Variants in SLC38A4 observed in about 807,000 individuals in gnomAD.
SLC38A4 encodes sodium-coupled neutral amino acid transporter 4.
A neutral mutation model predicts 63.1 loss-of-function variants in SLC38A4; 20 were observed. The observed-to-expected ratio is 0.32, with a 90% confidence interval of 0.22 to 0.46. The LOEUF is 0.46. Ranked by LOEUF, SLC38A4 falls within the 20% of genes least tolerant of loss-of-function variation. The pLI is 1.00. For missense variants in SLC38A4, 526 were observed against 663.6 expected, an observed-to-expected ratio of 0.79 and a Z score of 2.28; for synonymous variants, 230 against 225.5, an observed-to-expected ratio of 1.02 and a Z score of -0.18.
chr12:46,817,446 G>T (rs1013400910), intron 1 of SLC38A4, among the ~76,000 whole-genome samples: 1 of 151,732 alleles, frequency 6.6e-6, no homozygotes, highest in African/African-American at 2.4e-5. Context: ...GACCTACTAG[G>T]TCTAGATGAG....
chr12:46,810,003 A>T (rs1415584146), intron 1 of SLC38A4, among the ~76,000 whole-genome samples: 2 of 151,996 alleles, frequency 1.3e-5, no homozygotes, highest in Non-Finnish European at 2.9e-5. Flanking sequence ...TTTCTTTAAA[A>T]CTTATTTGTG....
At position 46,779,874 on chromosome 12, in the gene SLC38A4, A is replaced by T. The variant is rs1293270908; in HGVS notation, c.576-12T>A. The T allele has an allele frequency of 6.2e-7, 1 of 1,611,366 alleles. No homozygotes were observed. The highest frequency in any genetic ancestry group is 1.3e-5 in the African/African-American group (1 of 74,764). ...TGAGGTACCATTCTCTAGAAGTGAG[A>T]GACAAGGATATTAGAATCAGAAAAG... is the stretch of plus-strand genomic sequence containing the variant. On this transcript the variant is annotated splice_polypyrimidine_tract_variant and intron_variant, in intron 8 of 16. Coordinates refer to ENST00000266579, the MANE Select transcript of SLC38A4 (RefSeq NM_018018.5).
intron 2 of SLC38A4, among the ~76,000 whole-genome samples, chr12:46,801,874 G>T (rs1049118666): frequency 7.9e-5 from 12 of 152,178 alleles, no homozygotes; most frequent in African/African-American, 2.9e-4. Context: ...GTCTGAGGTA[G>T]CTCTTAAAGA....
At chr12:46,814,238 A>T (rs1939392923) in intron 1 of SLC38A4, among the ~76,000 whole-genome samples, 1 of 151,930 alleles carries the variant, frequency 6.6e-6, no homozygotes, top group South Asian at 2.1e-4. Context: ...CTATTATTTC[A>T]CTTGTTATAC....
At chr12:46,827,974 A>G (rs924652375), upstream of SLC38A4, among the ~76,000 whole-genome samples, 4 of 152,110 alleles carry the variant, frequency 2.6e-5, no homozygotes, top group African/African-American at 9.7e-5. Context: ...AATTCAGGGG[A>G]GGGGCAGAGC....
intron 2 of SLC38A4, among the ~76,000 whole-genome samples, chr12:46,799,554 A>C (rs1054675052): frequency 1.6e-4 from 24 of 152,214 alleles, no homozygotes; most frequent in African/African-American, 5.5e-4. Flanking sequence ...CTGAGATTGC[A>C]CCACTGCATT....
chr12:46,816,970 G>A (rs1939452624), intron 1 of SLC38A4, among the ~76,000 whole-genome samples: 1 of 151,772 alleles, frequency 6.6e-6, no homozygotes, highest in African/African-American at 2.4e-5. Context: ...CTCTTACCCA[G>A]TTGAGGGAAT....
intron 5 of SLC38A4, 108 bp from the exon 6 acceptor site, chr12:46,785,285 T>C: frequency 2.3e-6 from 2 of 878,266 alleles, no homozygotes; most frequent in South Asian, 3.3e-5. Flanking sequence ...TCATCAGCTT[T>C]CCAAAAGTAT....
At chr12:46,805,514 C>T (rs559049593) in intron 1 of SLC38A4, among the ~76,000 whole-genome samples, 26 of 152,082 alleles carry the variant, frequency 1.7e-4, no homozygotes, top group African/African-American at 3.1e-4. Flanking sequence ...ACAAAACTCA[C>T]GATAACTTTT....
chr12:46,804,935 A>G (rs1168920439), intron 1 of SLC38A4, among the ~76,000 whole-genome samples: 1 of 152,004 alleles, frequency 6.6e-6, no homozygotes, highest in Admixed American at 6.6e-5. Flanking sequence ...TTCCAATTTA[A>G]GATTTCTTTC....
Position 46,808,022 on chromosome 12 carries a change from C to A in SLC38A4, c.-304-4228G>T, listed in dbSNP as rs578179291. On this transcript the variant is annotated intron_variant, in intron 1 of 16. Coordinates refer to ENST00000266579, the MANE Select transcript of SLC38A4 (RefSeq NM_018018.5). ...AGCCACTTCTATTTTTTTAAGACAC[C>A]AAATATACATATATATCTTTGCATT... Among the ~76,000 whole-genome samples the A allele has an allele frequency of 5.2e-3, 785 of 151,868 alleles. 11 individuals carry two copies. Among genetic ancestry groups the A allele is most frequent in the Middle Eastern group, 0.017 (5 of 294 alleles).
At chr12:46,819,354 T>C (rs922430214) in intron 1 of SLC38A4, among the ~76,000 whole-genome samples, 3 of 151,496 alleles carry the variant, frequency 2.0e-5, no homozygotes, top group African/African-American at 7.3e-5. Context: ...GCATGAATAA[T>C]TGATAATATT....
intron 1 of SLC38A4, among the ~76,000 whole-genome samples, chr12:46,831,933 G>A (rs763655287): frequency 5.3e-5 from 8 of 152,082 alleles, no homozygotes; most frequent in Non-Finnish European, 8.8e-5. Flanking sequence ...ATCCCAGTGC[G>A]GGAGGCGGAG....
rs1938290941 is a variant in SLC38A4, at chr12:46,766,008, A to T, written c.*693T>A. On this transcript the variant is annotated 3_prime_UTR_variant, in exon 17 of 17. Transcript: ENST00000266579. ...TTTGTTGTTGCTCTATGATTGAAATAAAGCCCCTCTCTATATTTAGTGTTT... is the reference window on the plus strand; with the variant it reads ...TTTGTTGTTGCTCTATGATTGAAATTAAGCCCCTCTCTATATTTAGTGTTT... 6.3e-6 allele frequency: 1 copy of T among 159,754 alleles called. No individual in the cohort carries two copies. The highest frequency in any genetic ancestry group is 1.4e-5 in the Non-Finnish European group (1 of 72,580). The allele number at this position is 159,754 out of a possible 1,614,324, so 9.9% of individuals were successfully genotyped here.
intron 1 of SLC38A4, among the ~76,000 whole-genome samples, chr12:46,814,328 A>G (rs1939394208): frequency 1.3e-5 from 2 of 151,986 alleles, no homozygotes; most frequent in South Asian, 4.1e-4. Context: ...CAACCTCATA[A>G]CAAGGCACAG....
intron 7 of SLC38A4, among the ~76,000 whole-genome samples, chr12:46,780,581 T>G (rs906446634): frequency 1.1e-4 from 16 of 150,154 alleles, no homozygotes; most frequent in Non-Finnish European, 2.2e-4. Context: ...GATGACAGCT[T>G]CTCTCCATCT....
At chr12:46,795,303 C>T (rs1938979773) in intron 2 of SLC38A4, among the ~76,000 whole-genome samples, 2 of 151,998 alleles carry the variant, frequency 1.3e-5, no homozygotes, top group South Asian at 4.1e-4. Flanking sequence ...TCATCTTGTT[C>T]TGTGAAACAA....
At chr12:46,784,496 C>G in intron 7 of SLC38A4, 46 bp downstream of exon 7, 2 of 1,464,898 alleles carry the variant, frequency 1.4e-6, no homozygotes, top group Non-Finnish European at 9.4e-7. Context: ...TTATTGAACA[C>G]GCTATAGAAA....
intron 3 of SLC38A4, 56 bp downstream of exon 3, chr12:46,792,897 C>A: frequency 2.3e-6 from 3 of 1,305,032 alleles, no homozygotes; most frequent in Non-Finnish European, 3.3e-6. Flanking sequence ...CCCTGTTTTC[C>A]ATGTCCACAT....
Sources: allele counts gnomAD v4.1 joint callset (sites outside exome capture counted in the v4.1 genomes callset), GRCh38; gene constraint gnomAD v4.1.1; transcripts MANE v1.5; gene names NCBI Gene and HGNC (gene_info 2026-07-23, HGNC 2026-07-21).